Variants in LRRC53 observed in about 807,000 individuals in gnomAD.
The protein encoded by LRRC53 is leucine-rich repeat-containing protein 53.
LRRC53 carries 25 observed loss-of-function variants against 13.6 expected under a neutral mutation model. That is an observed-to-expected ratio of 1.83 (90% CI 1.34 to 2.56). The LOEUF (loss-of-function observed/expected upper bound fraction) is 2.56. LRRC53 is among the 30% of genes most tolerant of loss of function. The pLI, the probability that LRRC53 is intolerant of heterozygous loss-of-function variation, is 0.00. For missense variants in LRRC53, 527 were observed against 275.8 expected (o/e 1.91, Z -6.45); for synonymous variants, 204 against 109.8 (o/e 1.86, Z -5.37).
chr1:74,474,729 A>G (rs935922378), intron 4 of LRRC53, among the ~76,000 whole-genome samples: 2 of 152,108 alleles, frequency 1.3e-5, no homozygotes, highest in Non-Finnish European at 2.9e-5. Context: ...TCACGGCCAG[A>G]TTCACTTGGC....
intron 3 of LRRC53, among the ~76,000 whole-genome samples, chr1:74,477,064 A>G (rs1488162826): frequency 1.3e-5 from 2 of 152,164 alleles, no homozygotes; most frequent in African/African-American, 2.4e-5. Context: ...GCACATTTTT[A>G]AAGTTGTAGC....
At chr1:74,486,387 G>C (rs954501663) in intron 1 of LRRC53, among the ~76,000 whole-genome samples, 1 of 151,934 alleles carries the variant, frequency 6.6e-6, no homozygotes, top group Non-Finnish European at 1.5e-5. Flanking sequence ...TCTAATATAA[G>C]CTACTTGATC....
intron 1 of LRRC53, chr1:74,489,279 T>TA (rs755540750): frequency 1.3e-6 from 2 of 1,598,578 alleles, no homozygotes; most frequent in Non-Finnish European, 1.7e-6. Context: ...AATATGTCCA[T>TA]AAAAAAGCCC....
At chr1:74,482,836 C>G (rs2100265292) in intron 2 of LRRC53, among the ~76,000 whole-genome samples, 1 of 152,288 alleles carries the variant, frequency 6.6e-6, no homozygotes, top group South Asian at 2.1e-4. Context: ...AAATGAGACG[C>G]ACTTTGATAA....
rs990565133 is a variant in LRRC53 at position 74,477,900 on chromosome 1, C to A, written c.905-2090G>T. Among the ~76,000 whole-genome samples the A allele has an allele frequency of 5.3e-5, 8 of 152,150 alleles. No homozygotes were observed. The East Asian group carries it at 7.7e-4, about 15-fold the overall frequency. Reference sequence around the variant, plus strand: ...AAAAAGGGAAAATTAATGATAAGTTCTTATTGAAACATTAGAAACACATTA... The same window carrying A: ...AAAAAGGGAAAATTAATGATAAGTTATTATTGAAACATTAGAAACACATTA... On this transcript the variant is annotated intron_variant, in intron 3 of 4. Transcript: ENST00000294635.
At chr1:74,486,789 A>T (rs572189622) in intron 1 of LRRC53, among the ~76,000 whole-genome samples, 1 of 152,136 alleles carries the variant, frequency 6.6e-6, no homozygotes, top group Admixed American at 6.5e-5. Flanking sequence ...ACTAAGAAGA[A>T]GCCAATGAGC....
chr1:74,523,418 C>T, the LRRC53 span, among the ~76,000 whole-genome samples: 1 of 151,264 alleles, frequency 6.6e-6, no homozygotes, highest in Non-Finnish European at 1.5e-5. Flanking sequence ...TTCAAACATA[C>T]TTGGCTGATG....
intron 1 of LRRC53, among the ~76,000 whole-genome samples, chr1:74,502,190 A>T (rs1669667897): frequency 6.6e-6 from 1 of 152,146 alleles, no homozygotes; most frequent in Admixed American, 6.5e-5. Flanking sequence ...GTTTTCTTTT[A>T]TATTCATACC....
rs570435830 is a variant in LRRC53 at position 74,483,359 on chromosome 1, G to A, written c.-10C>T. 6 of 717,328 alleles carry A rather than the reference G, an allele frequency of 8.4e-6. No individual in the cohort carries two copies. The highest frequency in any genetic ancestry group is 8.0e-5 in the Admixed American group (4 of 50,012). The allele number at this position is 717,328 out of a possible 1,614,324, so 44.4% of individuals were successfully genotyped here. A position where few individuals can be genotyped will look rare whatever the true frequency, so the allele number is the denominator to read the frequency against. On this transcript the variant is annotated 5_prime_UTR_variant, in exon 2 of 5. Coordinates refer to ENST00000294635, the MANE Select transcript of LRRC53 (RefSeq NM_001382280.1). The stretch of plus-strand genomic sequence containing the variant: ...CCACCAACCGCAACATGATGGCAAA[G>A]AGTACCAGCCATCCACCTGAAAGGA...
intron 1 of LRRC53, among the ~76,000 whole-genome samples, chr1:74,506,477 A>G (rs908124748): frequency 2.0e-5 from 3 of 152,184 alleles, no homozygotes; most frequent in Non-Finnish European, 2.9e-5. Context: ...GTGAGACAAG[A>G]GAGCTGCTCT....
At chr1:74,516,629 C>T (rs1448491299), upstream of LRRC53, among the ~76,000 whole-genome samples, 3 of 152,066 alleles carry the variant, frequency 2.0e-5, no homozygotes, top group East Asian at 5.8e-4. Flanking sequence ...CTACTATGGG[C>T]CATGGGACCT....
In LRRC53 at chr1:74,505,262, A is replaced by G. The variant is rs564785467; in HGVS notation, c.-27+7264T>C. 1.6e-4 allele frequency among the ~76,000 whole-genome samples: 24 copies of G among 152,330 alleles called. No homozygotes were observed. The South Asian group carries it at 5.0e-3, about 32-fold the overall frequency. ...ATCTGACAGGACAAGCACAGGGACC[A>G]AAGAGAACAACCGGCCTAATTAAAT... On this transcript the variant is annotated intron_variant, in intron 1 of 4. Coordinates refer to ENST00000294635, the MANE Select transcript of LRRC53 (RefSeq NM_001382280.1).
chr1:74,518,873 C>CTT, the LRRC53 span, among the ~76,000 whole-genome samples: 43 of 100,328 alleles, frequency 4.3e-4, no homozygotes, highest in East Asian at 5.8e-4. Context: ...TTTTTTTTCC[C>CTT]CTTTTTTTTT....
chr1:74,536,486 T>C, the LRRC53 span, among the ~76,000 whole-genome samples: 1 of 152,188 alleles, frequency 6.6e-6, no homozygotes, highest in Admixed American at 6.6e-5. Context: ...ATTATTCATA[T>C]CCTAATGCAC....
At chr1:74,492,432 T>A (rs1272924468) in intron 1 of LRRC53, among the ~76,000 whole-genome samples, 1 of 152,170 alleles carries the variant, frequency 6.6e-6, no homozygotes, top group African/African-American at 2.4e-5. Flanking sequence ...AAATTAGAAA[T>A]TTTATTATCT....
chr1:74,531,694 C>A, the LRRC53 span, among the ~76,000 whole-genome samples: 2 of 152,060 alleles, frequency 1.3e-5, no homozygotes, highest in Non-Finnish European at 2.9e-5. Flanking sequence ...TGTATTAGTT[C>A]CTTAGATTGG....
intron 1 of LRRC53, among the ~76,000 whole-genome samples, chr1:74,509,772 T>G (rs1267205065): frequency 1.5e-3 from 207 of 139,224 alleles, no homozygotes; most frequent in African/African-American, 4.9e-3. Context: ...TTTTTTTTTT[T>G]TTTTTGAGAC....
At chr1:74,516,547 G>A (rs1159905496), upstream of LRRC53, among the ~76,000 whole-genome samples, 1 of 152,034 alleles carries the variant, frequency 6.6e-6, no homozygotes, top group Non-Finnish European at 1.5e-5. Context: ...ATATGAGGCA[G>A]GGAGCAATAG....
intron 1 of LRRC53, among the ~76,000 whole-genome samples, chr1:74,508,090 G>T (rs17095479): frequency 6.6e-6 from 1 of 152,200 alleles, no homozygotes; most frequent in African/African-American, 2.4e-5. Context: ...ACAGACGGAG[G>T]CATTACTAAG....
Sources: allele counts gnomAD v4.1 joint callset (sites outside exome capture counted in the v4.1 genomes callset), GRCh38; gene constraint gnomAD v4.1.1; transcripts MANE v1.5; gene names NCBI Gene and HGNC (gene_info 2026-07-23, HGNC 2026-07-21).